The following ARID1B variants were observed in gnomAD, a reference collection of about 807,000 sequenced individuals.
ARID1B encodes the protein AT-rich interactive domain-containing protein 1B.
ARID1B carries 30 observed loss-of-function variants against 212.3 expected under a neutral mutation model. That is an observed-to-expected ratio of 0.14 (90% confidence interval 0.11 to 0.19). The LOEUF is 0.19. Among genes scored for constraint, ARID1B ranks in the 10% least tolerant of loss-of-function variants. ARID1B has a pLI of 1.00. For synonymous variants in ARID1B, 1,402 were observed against 1,301.7 expected (o/e 1.08, Z -1.66); for missense variants, 2,891 against 3,204.0 (o/e 0.90, Z 2.36).
chr6:156,947,869 T>C (rs1264570197), intron 4 of ARID1B, among the ~76,000 whole-genome samples: 1 of 152,188 alleles, frequency 6.6e-6, no homozygotes, highest in Non-Finnish European at 1.5e-5. Flanking sequence ...ATTAATGATT[T>C]CTTAACATGC....
chr6:157,173,679 A>G (rs1791877367), intron 9 of ARID1B: 1 of 178,586 alleles, frequency 5.6e-6, no homozygotes, highest in East Asian at 1.4e-4. Context: ...AGTAATTTAA[A>G]CATTTGCCTT....
chr6:157,208,337 C>A lies in ARID1B; in HGVS notation c.*446C>A, dbSNP rs980394065. The stretch of plus-strand genomic sequence containing the variant: ...TTATCCATTTCCTATGCGTTTTACT[C>A]CTCAGAGAATGAAAAAAACTGCATC... On this transcript the variant is annotated 3_prime_UTR_variant, in exon 20 of 20. Transcript: ENST00000636930. 3.8e-5 allele frequency: 9 copies of A among 233,898 alleles called. No homozygotes were observed. Among genetic ancestry groups the A allele is most frequent in the Middle Eastern group, 1.3e-3 (1 of 782 alleles). 14.5% of individuals were successfully genotyped at this position (233,898 alleles called of 1,614,324 possible).
In ARID1B at chr6:157,116,225, T is replaced by G. The variant is rs1422416995; in HGVS notation, c.2581+5664T>G. ...CCACATTTTTAACCCCAGTGACACG[T>G]TAAGCTTAATGAAACTAACAAATGC... On this transcript the variant is annotated intron_variant, in intron 6 of 19. Transcript: ENST00000636930. Among the ~76,000 whole-genome samples, 4 of 152,168 alleles carry G rather than the reference T, an allele frequency of 2.6e-5. No individual in the cohort carries two copies. The East Asian group carries it at 5.8e-4, about 22-fold the overall frequency.
intron 8 of ARID1B, among the ~76,000 whole-genome samples, chr6:157,161,431 G>GTGTGTGTGTGTGTGTGTATATATATATA (rs540423195): frequency 7.2e-6 from 1 of 139,378 alleles, no homozygotes; most frequent in African/African-American, 2.8e-5. Context: ...TTGTGTGTGT[G>GTGTGTGTGTGTGTGTGTATATATATATA]TATATATATA....
At chr6:157,146,206 C>T (rs566444129) in intron 7 of ARID1B, among the ~76,000 whole-genome samples, 2 of 152,292 alleles carry the variant, frequency 1.3e-5, no homozygotes, top group East Asian at 3.9e-4. Flanking sequence ...CAGTCCCCAG[C>T]CAACAATGAA....
At position 157,190,267 on chromosome 6, in the gene ARID1B, C is replaced by T. The variant is rs1021491787; in HGVS notation, c.4231+57C>T. The stretch of plus-strand genomic sequence containing the variant: ...GACCAGTGGGCATTCTACTCTCTGC[C>T]GTTCCACAACAGTTCACCTTTCACT... On this transcript the variant is annotated intron_variant, in intron 15 of 19. Transcript: ENST00000636930. The surrounding 1 kb of genome is among the most constrained non-coding windows in gnomAD (Gnocchi z 4.6). 1.6e-4 allele frequency: 246 copies of T among 1,530,776 alleles called. 1 individual carries two copies. The highest frequency in any genetic ancestry group is 1.8e-4 in the Non-Finnish European group (207 of 1,142,640). The allele number at this position is 1,530,776 out of a possible 1,614,324, so 94.8% of individuals were successfully genotyped here. A position where few individuals can be genotyped will look rare whatever the true frequency, so the allele number is the denominator to read the frequency against.
At chr6:156,878,143 G>C (rs1786716970) in intron 2 of ARID1B, among the ~76,000 whole-genome samples, 1 of 152,140 alleles carries the variant, frequency 6.6e-6, no homozygotes, top group African/African-American at 2.4e-5. Context: ...TCTGCCTTCT[G>C]TTTTTGCTTT....
chr6:156,879,406 A>G (rs570287364), intron 2 of ARID1B, among the ~76,000 whole-genome samples: 17 of 150,924 alleles, frequency 1.1e-4, no homozygotes, highest in African/African-American at 3.9e-4. Flanking sequence ...GGAATTTACA[A>G]TCACTTTTGT....
At chr6:157,008,444 C>T (rs371055672) in intron 4 of ARID1B, among the ~76,000 whole-genome samples, 5 of 152,164 alleles carry the variant, frequency 3.3e-5, no homozygotes, top group Non-Finnish European at 5.9e-5. Flanking sequence ...GAAAGCCATT[C>T]CCTCATTCCA....
chr6:156,783,861 C>CCA (rs1427890594), intron 1 of ARID1B, among the ~76,000 whole-genome samples: 1 of 152,046 alleles, frequency 6.6e-6, no homozygotes, highest in Non-Finnish European at 1.5e-5. Flanking sequence ...GTGCTTTGAT[C>CCA]CATGTGGGTG....
chr6:156,990,631 C>T lies in ARID1B; in HGVS notation c.2247+55055C>T, dbSNP rs189788352. Among the ~76,000 whole-genome samples, 13 of 152,214 alleles carry T rather than the reference C, an allele frequency of 8.5e-5. No homozygotes were observed. The East Asian group carries it at 2.5e-3, about 30-fold the overall frequency. The stretch of plus-strand genomic sequence containing the variant: ...ACTCCAGCCTGGCGACAGAGCAAGA[C>T]TCCGTCTCAAAACGAACAAACAAAC... On this transcript the variant is annotated intron_variant, in intron 4 of 19. Transcript: ENST00000636930.
intron 4 of ARID1B, among the ~76,000 whole-genome samples, chr6:156,944,898 T>TTTCTTC (rs754525446): frequency 5.3e-5 from 8 of 151,770 alleles, no homozygotes; most frequent in Admixed American, 2.6e-4. Context: ...CTGCAAGCTT[T>TTTCTTC]TTCTTCTTCT....
At chr6:156,886,313 C>G (rs1787494904) in intron 2 of ARID1B, among the ~76,000 whole-genome samples, 1 of 152,214 alleles carries the variant, frequency 6.6e-6, no homozygotes, top group African/African-American at 2.4e-5. Context: ...TTGCCTCAGC[C>G]TCTGGAGTAG....
At chr6:157,063,084 G>A (rs1411439166) in intron 4 of ARID1B, among the ~76,000 whole-genome samples, 2 of 151,582 alleles carry the variant, frequency 1.3e-5, no homozygotes, top group African/African-American at 4.8e-5. Context: ...TCTTGGATTT[G>A]AAGAATGTAG....
intron 4 of ARID1B, among the ~76,000 whole-genome samples, chr6:156,969,128 A>ACCTTG (rs1485278139): frequency 1.3e-5 from 2 of 152,228 alleles, no homozygotes. Context: ...CAGGTTCCAA[A>ACCTTG]CAATGTGACC....
intron 4 of ARID1B, among the ~76,000 whole-genome samples, chr6:156,994,585 A>AG (rs906837455): frequency 3.3e-5 from 5 of 152,216 alleles, no homozygotes; most frequent in African/African-American, 1.2e-4. Context: ...TTAAAAAAAA[A>AG]AAGCAAAACT....
chr6:157,108,759 G>A (rs1786675424), intron 5 of ARID1B, among the ~76,000 whole-genome samples: 1 of 152,160 alleles, frequency 6.6e-6, no homozygotes, highest in African/African-American at 2.4e-5. Flanking sequence ...AAACCAAATG[G>A]ATACTTAACG....
chr6:157,186,998 G>C (rs188322947), intron 13 of ARID1B, among the ~76,000 whole-genome samples: 1 of 152,364 alleles, frequency 6.6e-6, no homozygotes, highest in Non-Finnish European at 1.5e-5. Context: ...TGGCTGTGTG[G>C]CTTCTCACAC....
At chr6:156,827,507 A>G (rs999359785) in intron 1 of ARID1B, among the ~76,000 whole-genome samples, 1 of 152,200 alleles carries the variant, frequency 6.6e-6, no homozygotes, top group South Asian at 2.1e-4. Flanking sequence ...TCCTGTGTTC[A>G]TCTGTCAGAG....
Sources: gnomAD v4.1 joint callset for allele counts (sites outside exome capture counted in the v4.1 genomes callset) on GRCh38, gnomAD v4.1.1 for gene constraint, Gnocchi (gnomAD v3.1) non-coding constraint, MANE v1.5 for transcripts, NCBI Gene and HGNC (gene_info 2026-07-23, HGNC 2026-07-21) for gene names.